The following SUPT20H variants were observed in gnomAD, a reference collection of about 807,000 sequenced individuals.
SUPT20H encodes transcription factor SPT20 homolog.
SUPT20H carries 82 observed loss-of-function variants against 122.8 expected under a neutral mutation model. The ratio of observed to expected loss-of-function variants is 0.67; its 90% CI spans 0.56 to 0.80. SUPT20H has a LOEUF of 0.80. SUPT20H is among the 30% of genes least tolerant of loss of function. The probability of loss-of-function intolerance (pLI) is 0.00; values close to 1 mark genes in which losing one functional copy is unlikely to be tolerated. For synonymous variants in SUPT20H, 291 were observed against 313.0 expected, an observed-to-expected ratio of 0.93 and a Z score of 0.74; for missense variants, 831 against 921.6, an observed-to-expected ratio of 0.90 and a Z score of 1.27.
intron 13 of SUPT20H, among the ~76,000 whole-genome samples, chr13:37,029,383 G>C (rs1410829900): frequency 6.6e-6 from 1 of 151,952 alleles, no homozygotes; most frequent in African/African-American, 2.4e-5. Flanking sequence ...ACAAAAATTA[G>C]CCAGGTGTGG....
In SUPT20H at chr13:37,017,337, T is replaced by C; in HGVS notation, c.1900A>G (p.Thr634Ala). ...AGCTGCTGTTGCTGCTGCTGCAGAG[T>C]GTTAAAAATAAGTGAACCACCTGGA... ...QLPGGSLIFNTLQQQQQQLSQ... is the reference protein window; with the variant it reads ...QLPGGSLIFNALQQQQQQLSQ... Residue 634 changes from threonine (T) to alanine (A), a missense_variant, in exon 23 of 26, where the codon ACT (threonine) becomes GCT (alanine). Coordinates refer to ENST00000350612, the MANE Select transcript of SUPT20H (RefSeq NM_001014286.3). The C allele has an allele frequency of 6.2e-7, 1 of 1,613,910 alleles. No homozygotes were observed.
chr13:37,015,006 C>G (rs1366146213), intron 23 of SUPT20H, among the ~76,000 whole-genome samples: 2 of 151,932 alleles, frequency 1.3e-5, no homozygotes, highest in Non-Finnish European at 2.9e-5. Flanking sequence ...AGCAAGTCAA[C>G]AGTAGGAAGA....
chr13:37,043,373 G>T (rs2065844786), intron 7 of SUPT20H, among the ~76,000 whole-genome samples: 1 of 152,072 alleles, frequency 6.6e-6, no homozygotes, highest in African/African-American at 2.4e-5. Context: ...GAAGAAAGTA[G>T]AACAGGGCAA....
intron 2 of SUPT20H, among the ~76,000 whole-genome samples, chr13:37,050,461 T>C (rs892127429): frequency 6.6e-6 from 1 of 151,806 alleles, no homozygotes; most frequent in African/African-American, 2.4e-5. Context: ...TGTTCCACCA[T>C]GAAAACATAA....
chr13:37,040,165 T>C (rs2065217815), intron 9 of SUPT20H: 1 of 379,764 alleles, frequency 2.6e-6, no homozygotes, highest in Non-Finnish European at 4.7e-6. Flanking sequence ...GAACTAAGTT[T>C]TATCTCATTG....
chr13:37,022,120 T>C lies in SUPT20H; in HGVS notation c.1592-40A>G. ...GTTACCATGGTGGAAAGAGGAATGG[T>C]TGTTACAGGCATTGCCTGGCTCAGA... On this transcript the variant is annotated intron_variant, in intron 19 of 25. Transcript: ENST00000350612. This position sits in a 1 kb window ranked among gnomAD's most constrained non-coding sequence, Gnocchi z 4.5. The C allele has an allele frequency of 1.2e-6, 2 of 1,614,096 alleles. No individual in the cohort carries two copies. The highest frequency in any genetic ancestry group is 1.7e-5 in the Admixed American group (1 of 60,004).
At chr13:37,028,331 A>G in intron 13 of SUPT20H, 26 bp from the exon 14 acceptor site, 1 of 1,592,692 alleles carries the variant, frequency 6.3e-7, no homozygotes, top group Non-Finnish European at 8.5e-7. Flanking sequence ...CACCTCAAAT[A>G]AATACCTTCA....
chr13:37,010,446 G>T, intron 25 of SUPT20H, 106 bp downstream of exon 25: 1 of 984,794 alleles, frequency 1.0e-6, no homozygotes, highest in Non-Finnish European at 1.5e-6. Context: ...ACCAATTACT[G>T]TACAGTCTTA....
At chr13:37,009,947 A>G in intron 25 of SUPT20H, 138 bp from the exon 26 acceptor site, 1 of 1,224,014 alleles carries the variant, frequency 8.2e-7, no homozygotes, top group Non-Finnish European at 1.1e-6. Context: ...TACCACATTG[A>G]GACAATGCAC....
chr13:37,048,551 A>AGC lies in SUPT20H; in HGVS notation c.39+12_39+13insGC. Reference sequence around the variant, plus strand: ...ACAACACTATTTCAATATGTAACTTAGTCACACCTCACCTCTGCACGATCC... The same window carrying AGC: ...ACAACACTATTTCAATATGTAACTTAGCGTCACACCTCACCTCTGCACGATCC... On this transcript the variant is annotated intron_variant, in intron 3 of 25. Transcript: ENST00000350612. 1 of 1,584,234 alleles carries AGC rather than the reference A, an allele frequency of 6.3e-7. No homozygotes were observed. Among genetic ancestry groups the AGC allele is most frequent in the African/African-American group, 1.4e-5 (1 of 73,648 alleles).
rs775667895 is a variant in SUPT20H, at chr13:37,031,567, A to G, written c.921T>C (p.Asp307=). 16 of 1,550,348 alleles carry G rather than the reference A, an allele frequency of 1.0e-5. No individual in the cohort carries two copies. The highest frequency in any genetic ancestry group is 2.2e-5 in the Admixed American group (1 of 44,988). The part of the protein sequence containing the change: ...PCNLAIPSEV[D]VEKYAKVEKS... ...AAAAGTAATTCATGAACTGACTTAC[A>G]TCTACTTCAGAAGGTATGGCCAAAT... Residue 307 remains aspartate, a splice_region_variant and synonymous_variant, in exon 12 of 26, where the codon GAT becomes GAC. Transcript: ENST00000350612.
chr13:37,050,877 T>C (rs977088603), intron 2 of SUPT20H, among the ~76,000 whole-genome samples: 10 of 152,212 alleles, frequency 6.6e-5, no homozygotes, highest in Admixed American at 3.3e-4. Context: ...ATAGGGGTTA[T>C]CTAAATAAAT....
rs542492160 is a variant in SUPT20H, at chr13:37,040,692, C to T, written c.397G>A (p.Val133Ile). 2.0e-5 allele frequency: 32 copies of T among 1,611,108 alleles called. No homozygotes were observed. The South Asian group carries it at 3.3e-4, about 17-fold the overall frequency. The change falls in exon 8 of 26, where the codon GTT becomes ATT. Residue 133 changes from valine to isoleucine, a missense_variant and splice_region_variant. By Grantham distance (29) the Val-to-Ile change is conservative (BLOSUM62 3). Coordinates refer to ENST00000350612, the MANE Select transcript of SUPT20H (RefSeq NM_001014286.3). The stretch of plus-strand genomic sequence containing the variant: ...ACACATCCGCAATGAAAAATATTAA[C>T]CTGTTTGGGCAAAAATACGTAAACG... ...ILVDLLEKSQ[V>I]NIFHCGCVIA...
intron 6 of SUPT20H, among the ~76,000 whole-genome samples, 172 bp from the exon 7 acceptor site, chr13:37,044,353 C>T (rs1483265830): frequency 6.6e-6 from 1 of 151,776 alleles, no homozygotes; most frequent in African/African-American, 2.4e-5. Flanking sequence ...TCCTAATGTC[C>T]TTCTTAAGGG....
chr13:37,027,528 T>C (rs1381726102), intron 14 of SUPT20H, among the ~76,000 whole-genome samples: 1 of 152,108 alleles, frequency 6.6e-6, no homozygotes, highest in East Asian at 1.9e-4. Flanking sequence ...ACAATTAACA[T>C]AGACCTCGCC....
chr13:37,059,625 C>G lies in SUPT20H; in HGVS notation c.-160G>C, dbSNP rs1313328205. ...CCTGCTCGGCAGCAAAGCCCACCCG[C>G]CCCGTCGGCGGCTCAGTGCTGCACC... is the stretch of plus-strand genomic sequence containing the variant. On this transcript the variant is annotated 5_prime_UTR_variant, in exon 1 of 26. Transcript: ENST00000350612. 6.6e-6 allele frequency: 1 copy of G among 152,282 alleles called. No homozygotes were observed. The highest frequency in any genetic ancestry group is 1.5e-5 in the Non-Finnish European group (1 of 68,058). 9.4% of individuals were successfully genotyped at this position (152,282 alleles called of 1,614,324 possible). A position where few individuals can be genotyped will look rare whatever the true frequency, so the allele number is the denominator to read the frequency against.
Position 37,057,752 on chromosome 13 carries a change from T to C in SUPT20H, c.-94+1807A>G, listed in dbSNP as rs984854638. 2.6e-5 allele frequency among the ~76,000 whole-genome samples: 4 copies of C among 152,022 alleles called. 1 individual carries two copies. In the South Asian group the frequency reaches 8.3e-4, roughly 32 times the overall value. ...ACTTTGGGAGGCCAAGGCAGGTGGA[T>C]TGCTTCAGCCCTGGAGTTCGAGACC... On this transcript the variant is annotated intron_variant, in intron 1 of 25. Coordinates refer to ENST00000350612, the MANE Select transcript of SUPT20H (RefSeq NM_001014286.3).
chr13:37,031,672 T>C, intron 11 of SUPT20H, 49 bp from the exon 12 acceptor site: 2 of 1,539,602 alleles, frequency 1.3e-6, no homozygotes, highest in Non-Finnish European at 1.7e-6. Context: ...AATATAAATA[T>C]ACTGAAAATG....
intron 1 of SUPT20H, among the ~76,000 whole-genome samples, chr13:37,054,095 A>G (rs9547721): frequency 0.84 from 127,151 of 152,068 alleles, 54,228 homozygotes; most frequent in East Asian, 1. Context: ...GAATAGACCA[A>G]TAACAGGCTG....
Sources: gnomAD v4.1 joint callset for allele counts (sites outside exome capture counted in the v4.1 genomes callset) on GRCh38, gnomAD v4.1.1 for gene constraint, Gnocchi (gnomAD v3.1) non-coding constraint, MANE v1.5 for transcripts, NCBI Gene and HGNC (gene_info 2026-07-23, HGNC 2026-07-21) for gene names.